Variants in PTPRT observed in about 807,000 individuals in gnomAD.
The protein encoded by PTPRT is protein tyrosine phosphatase receptor type T.
A neutral mutation model predicts 176.8 loss-of-function variants in PTPRT; 56 were observed. That is an observed-to-expected ratio of 0.32 (90% CI 0.26 to 0.40). The LOEUF is 0.40. Among genes scored for constraint, PTPRT ranks in the 10% least tolerant of loss-of-function variants. The pLI, the probability that PTPRT is intolerant of heterozygous loss-of-function variation, is 1.00. For missense variants in PTPRT, 1,540 were observed against 1,908.2 expected, an observed-to-expected ratio of 0.81 and a Z score of 3.60; for synonymous variants, 783 against 739.0, an observed-to-expected ratio of 1.06 and a Z score of -0.96.
intron 6 of PTPRT, among the ~76,000 whole-genome samples, chr20:42,737,604 C>T (rs2076558718): frequency 6.7e-6 from 1 of 148,924 alleles, no homozygotes; most frequent in Non-Finnish European, 1.5e-5. Context: ...TGCACTCCAG[C>T]CTGTGTGATA....
chr20:42,321,349 T>C (rs2057796176), intron 11 of PTPRT, among the ~76,000 whole-genome samples: 1 of 152,196 alleles, frequency 6.6e-6, no homozygotes. Flanking sequence ...GGTAGGACCC[T>C]AGCATCAGTA....
intron 6 of PTPRT, among the ~76,000 whole-genome samples, chr20:42,695,873 G>T (rs4812626): frequency 0.37 from 55,492 of 151,972 alleles, 11,142 homozygotes; most frequent in African/African-American, 0.54. Context: ...GACCATCACT[G>T]CTGTGGTGAT....
chr20:42,969,927 T>C (rs901893889), intron 1 of PTPRT, among the ~76,000 whole-genome samples: 2 of 152,082 alleles, frequency 1.3e-5, no homozygotes, highest in Non-Finnish European at 2.9e-5. Flanking sequence ...AGACAAGAAA[T>C]TGAGAACCTG....
rs996283321 is a variant in PTPRT at position 42,388,305 on chromosome 20, C to G, written c.1561-36020G>C. On this transcript the variant is annotated intron_variant, in intron 9 of 30. Coordinates refer to ENST00000373187, the MANE Select transcript of PTPRT (RefSeq NM_007050.6). ...CTAATTAAACTAAAGAGCTTCTGCA[C>G]AGCAAAAGAAACTATCATCAGAGTG... Among the ~76,000 whole-genome samples, 3 of 152,172 alleles carry G rather than the reference C, an allele frequency of 2.0e-5. No individual in the cohort carries two copies. The East Asian group carries it at 5.8e-4, about 29-fold the overall frequency.
chr20:43,080,124 G>A (rs1273317801), intron 1 of PTPRT, among the ~76,000 whole-genome samples: 1 of 152,166 alleles, frequency 6.6e-6, no homozygotes, highest in African/African-American at 2.4e-5. Flanking sequence ...CCACTACACT[G>A]ACATCAGACT....
intron 12 of PTPRT, among the ~76,000 whole-genome samples, chr20:42,306,877 C>T (rs954184214): frequency 2.0e-5 from 3 of 152,128 alleles, no homozygotes; most frequent in African/African-American, 7.2e-5. Context: ...ATTCCAGGAG[C>T]CTCTAGGTGT....
At position 42,573,748 on chromosome 20, in the gene PTPRT, TC is replaced by T. The variant is rs201245632; in HGVS notation, c.1154-101187del. Among the ~76,000 whole-genome samples, 362 of 136,644 alleles carry T rather than the reference TC, an allele frequency of 2.6e-3. 11 individuals are homozygous for T. Among genetic ancestry groups the T allele is most frequent in the African/African-American group, 9.2e-3 (320 of 34,866 alleles). The allele number at this position is 136,644 out of a possible 152,430, so 89.6% of individuals were successfully genotyped here. A position where few individuals can be genotyped will look rare whatever the true frequency, so the allele number is the denominator to read the frequency against. The stretch of plus-strand genomic sequence containing the variant: ...TGGCAAGACGGACCCTTTCTTTCTT[TC>T]TTTTTTTTTTTTTTTTTGAGATGGA... On this transcript the variant is annotated intron_variant, in intron 7 of 30. Transcript: ENST00000373187.
At chr20:42,818,915 C>T (rs1213915968) in intron 2 of PTPRT, among the ~76,000 whole-genome samples, 1 of 152,056 alleles carries the variant, frequency 6.6e-6, no homozygotes, top group Non-Finnish European at 1.5e-5. Flanking sequence ...AAAGACTGAA[C>T]CTACAATTGA....
At chr20:42,205,295 C>T (rs139708802) in intron 15 of PTPRT, among the ~76,000 whole-genome samples, 43 of 152,286 alleles carry the variant, frequency 2.8e-4, no homozygotes, top group Admixed American at 2.6e-4. Context: ...GTCCCCTACT[C>T]TTAGAAGTCT....
intron 7 of PTPRT, among the ~76,000 whole-genome samples, chr20:42,544,992 G>A (rs564149303): frequency 6.6e-6 from 1 of 152,032 alleles, no homozygotes; most frequent in South Asian, 2.1e-4. Flanking sequence ...CCCCAGCTTC[G>A]CCTTTAGATC....
chr20:42,105,683 G>A (rs1406774338), intron 24 of PTPRT, among the ~76,000 whole-genome samples: 1 of 152,166 alleles, frequency 6.6e-6, no homozygotes, highest in African/African-American at 2.4e-5. Flanking sequence ...CTGCATGCAT[G>A]GACCTAGGAA....
chr20:42,597,559 T>C (rs2073693021), intron 7 of PTPRT, among the ~76,000 whole-genome samples: 1 of 152,128 alleles, frequency 6.6e-6, no homozygotes, highest in Non-Finnish European at 1.5e-5. Flanking sequence ...CAAGACCTGA[T>C]TGTTTAGAAG....
chr20:42,812,723 G>A lies in PTPRT; in HGVS notation c.215-21257C>T, dbSNP rs181043511. 5.4e-3 allele frequency among the ~76,000 whole-genome samples: 825 copies of A among 152,018 alleles called. 2 individuals carry two copies. The highest frequency in any genetic ancestry group is 7.7e-3 in the Non-Finnish European group (524 of 67,952). ...AGACATGTTGCCTTGGGCAAGTTACGTAACTATATCTTAATTTCCTCATCT... is the reference window on the plus strand; with the variant it reads ...AGACATGTTGCCTTGGGCAAGTTACATAACTATATCTTAATTTCCTCATCT... On this transcript the variant is annotated intron_variant, in intron 2 of 30. Transcript: ENST00000373187.
At chr20:43,105,689 C>T (rs902560051) in intron 1 of PTPRT, among the ~76,000 whole-genome samples, 16 of 152,300 alleles carry the variant, frequency 1.1e-4, no homozygotes, top group East Asian at 1.9e-4. Flanking sequence ...TGTGAGCCAC[C>T]GCACCCAGCC....
At chr20:42,595,270 A>C (rs2073651239) in intron 7 of PTPRT, among the ~76,000 whole-genome samples, 1 of 152,108 alleles carries the variant, frequency 6.6e-6, no homozygotes, top group African/African-American at 2.4e-5. Context: ...CTACTAAACC[A>C]GGATTTCTCA....
chr20:42,575,655 G>A (rs1044566352), intron 7 of PTPRT, among the ~76,000 whole-genome samples: 2 of 152,116 alleles, frequency 1.3e-5, no homozygotes, highest in Non-Finnish European at 2.9e-5. Context: ...CAACTCTACC[G>A]TTGTAGCGTG....
intron 9 of PTPRT, among the ~76,000 whole-genome samples, chr20:42,382,505 C>A (rs1894593): frequency 0.83 from 125,586 of 152,136 alleles, 51,980 homozygotes; most frequent in East Asian, 0.94. Context: ...AAGACAGAGC[C>A]GTCCTGGAAC....
intron 13 of PTPRT, among the ~76,000 whole-genome samples, chr20:42,268,174 C>T (rs576789839): frequency 4.6e-5 from 7 of 152,184 alleles, no homozygotes; most frequent in South Asian, 4.2e-4. Context: ...TACCAGGGGA[C>T]GAACATTAAC....
chr20:43,052,618 T>TA (rs529019444), intron 1 of PTPRT, among the ~76,000 whole-genome samples: 6 of 152,294 alleles, frequency 3.9e-5, no homozygotes, highest in South Asian at 4.1e-4. Context: ...ATTTCCCTTT[T>TA]AAAAAAATAG....
Sources: gnomAD v4.1 joint callset for allele counts (sites outside exome capture counted in the v4.1 genomes callset) on GRCh38, gnomAD v4.1.1 for gene constraint, MANE v1.5 for transcripts, NCBI Gene and HGNC (gene_info 2026-07-23, HGNC 2026-07-21) for gene names.